Variants in NR0B2 observed in about 807,000 individuals in gnomAD.
NR0B2 encodes the protein nuclear receptor subfamily 0 group B member 2, also known as nuclear receptor SHP.
NR0B2 carries 17 observed loss-of-function variants against 18.9 expected under a neutral mutation model. That is an observed-to-expected ratio of 0.90 (90% CI 0.62 to 1.35). NR0B2 has a LOEUF of 1.35. Ranked by LOEUF, NR0B2 falls within the 40% of genes most tolerant of loss-of-function variation. The probability of loss-of-function intolerance (pLI) is 0.00; values close to 1 mark genes in which losing one functional copy is unlikely to be tolerated. For missense variants in NR0B2, 312 were observed against 333.3 expected (o/e 0.94, Z 0.50); for synonymous variants, 116 against 138.5 (o/e 0.84, Z 1.14).
Position 26,913,411 on chromosome 1 carries a change from G to A in NR0B2, c.530C>T (p.Pro177Leu). The change falls in exon 1 of 2, where the codon CCC becomes CTC. Residue 177 changes from proline (P) to leucine (L), a missense_variant and splice_region_variant. Coordinates refer to ENST00000254227, the MANE Select transcript of NR0B2 (RefSeq NM_021969.3). ...CCCAGGAGTGTCTGGGAGCTCACCG[G>A]GGTTGAAGAGGATGGTCCCTTTCAG... ...ACLKGTILFNPDVPGLQAASH... is the reference protein window; with the variant it reads ...ACLKGTILFNLDVPGLQAASH... 6.2e-7 allele frequency: 1 copy of A among 1,614,046 alleles called. No homozygotes were observed. Among genetic ancestry groups the A allele is most frequent in the East Asian group, 2.2e-5 (1 of 44,866 alleles).
chr1:26,911,980 G>A lies in NR0B2; in HGVS notation c.639C>T (p.Arg213=). 6.2e-7 allele frequency: 1 copy of A among 1,614,256 alleles called. No homozygotes were observed. The highest frequency in any genetic ancestry group is 1.3e-5 in the African/African-American group (1 of 75,066). Residue 213 remains arginine, a synonymous_variant, in exon 2 of 2, where the codon CGC becomes CGT. Transcript: ENST00000254227. The part of the protein sequence containing the change: ...LEPWCPAAQG[R]LTRVLLTAST... The stretch of plus-strand genomic sequence containing the variant: ...AGGCCGTGAGGAGGACACGGGTCAG[G>A]CGGCCTTGGGCTGCTGGGCACCAGG...
Position 26,911,617 on chromosome 1 carries a change from C to G in NR0B2, c.*228G>C. On this transcript the variant is annotated 3_prime_UTR_variant, in exon 2 of 2. Transcript: ENST00000254227. ...CCAAGAAGGGACAGGAGTCTTGGCC[C>G]AGAGGCTGTGGGGACCACCAAAAGC... 1.7e-6 allele frequency: 1 copy of G among 573,158 alleles called. No individual in the cohort carries two copies. The highest frequency in any genetic ancestry group is 3.2e-6 in the Non-Finnish European group (1 of 316,746). 35.5% of individuals were successfully genotyped at this position (573,158 alleles called of 1,614,324 possible). A position where few individuals can be genotyped will look rare whatever the true frequency, so the allele number is the denominator to read the frequency against.
chr1:26,913,011 G>A (rs550284187), intron 1 of NR0B2, among the ~76,000 whole-genome samples: 11 of 152,286 alleles, frequency 7.2e-5, no homozygotes, highest in African/African-American at 2.6e-4. Flanking sequence ...GGCCAAGCAC[G>A]GTGGCTCACG....
intron 1 of NR0B2, among the ~76,000 whole-genome samples, chr1:26,913,013 TG>T (rs1215176452): frequency 1.3e-5 from 2 of 152,334 alleles, no homozygotes; most frequent in African/African-American, 2.4e-5. Flanking sequence ...CCAAGCACGG[TG>T]GCTCACGCCT....
rs748595153 is a variant in NR0B2, at chr1:26,913,420, A to G, written c.521T>C (p.Leu174Pro). ...GTCTGGGAGCTCACCGGGGTTGAAGAGGATGGTCCCTTTCAGGCAGGCATA... is the reference window on the plus strand; with the variant it reads ...GTCTGGGAGCTCACCGGGGTTGAAGGGGATGGTCCCTTTCAGGCAGGCATA... ...KEYACLKGTI[L>P]FNPDVPGLQA... The change falls in exon 1 of 2, where the codon CTC (leucine) becomes CCC (proline). Residue 174 changes from leucine (L) to proline (P), a missense_variant. Transcript: ENST00000254227. 1.9e-6 allele frequency: 3 copies of G among 1,614,076 alleles called. No individual in the cohort carries two copies. The highest frequency in any genetic ancestry group is 1.7e-6 in the Non-Finnish European group (2 of 1,179,988).
Position 26,913,347 on chromosome 1 carries a change from A to G in NR0B2, c.532+62T>C, listed in dbSNP as rs538578692. Reference sequence around the variant, plus strand: ...AACAGATATCAAACCCTTAGAAGCTACCTTCCCTGGCTGGCCCCTGCTTCA... The same window carrying G: ...AACAGATATCAAACCCTTAGAAGCTGCCTTCCCTGGCTGGCCCCTGCTTCA... On this transcript the variant is annotated intron_variant, in intron 1 of 1. Transcript: ENST00000254227. The G allele has an allele frequency of 9.0e-5, 133 of 1,476,212 alleles. 1 individual carries two copies. The highest frequency in any genetic ancestry group is 1.1e-4 in the Non-Finnish European group (118 of 1,054,498). The allele number at this position is 1,476,212 out of a possible 1,614,324, so 91.4% of individuals were successfully genotyped here.
rs759817886 is a variant in NR0B2 at position 26,913,840 on chromosome 1, C to T, written c.101G>A (p.Arg34Gln). ...LLSSSLKAVP[R>Q]PRSRCLCRQH... ...CCTACATAGGCAGCGGCTACGGGGT[C>T]GGGGGACAGCCTTGAGGCTGGAGCT... Residue 34 changes from arginine to glutamine, a missense_variant, in exon 1 of 2, where the codon CGA (arginine) becomes CAA (glutamine). Transcript: ENST00000254227. 2.3e-5 allele frequency: 34 copies of T among 1,507,922 alleles called. No individual in the cohort carries two copies. In the Admixed American group the frequency reaches 4.7e-4, roughly 21 times the overall value. 93.4% of individuals were successfully genotyped at this position (1,507,922 alleles called of 1,614,324 possible).
intron 1 of NR0B2, 120 bp from the exon 2 acceptor site, chr1:26,912,206 G>T (rs769028700): frequency 2.9e-5 from 33 of 1,148,418 alleles, no homozygotes; most frequent in Non-Finnish European, 3.9e-5. Context: ...CTCGGCCTTT[G>T]AGGTCCCACT....
chr1:26,913,943 T>C lies in NR0B2; in HGVS notation c.-3A>G. On this transcript the variant is annotated 5_prime_UTR_variant, in exon 1 of 2. Transcript: ENST00000254227. The stretch of plus-strand genomic sequence containing the variant: ...GCCCCTGGTTGGCTGGTGCTCATGG[T>C]TAGGGATCTGCTCTCACTTCCAGCT... 2 of 1,470,362 alleles carry C rather than the reference T, an allele frequency of 1.4e-6. No homozygotes were observed. The allele number at this position is 1,470,362 out of a possible 1,614,324, so 91.1% of individuals were successfully genotyped here. A position where few individuals can be genotyped will look rare whatever the true frequency, so the allele number is the denominator to read the frequency against.
chr1:26,912,073 G>C lies in NR0B2; in HGVS notation c.546C>G (p.Leu182=). The change falls in exon 2 of 2, where the codon CTC becomes CTG. Residue 182 remains leucine (L), a synonymous_variant. Coordinates refer to ENST00000254227, the MANE Select transcript of NR0B2 (RefSeq NM_021969.3). ...GGTGCCCAATGTGGGAGGCGGCTTG[G>C]AGGCCTGGCACATCTGTGGGCAGAG... is the stretch of plus-strand genomic sequence containing the variant. ...TILFNPDVPG[L]QAASHIGHLQ... is the part of the protein sequence containing the mutation. 1 of 1,613,746 alleles carries C rather than the reference G, an allele frequency of 6.2e-7. No individual in the cohort carries two copies. Among genetic ancestry groups the C allele is most frequent in the Non-Finnish European group, 8.5e-7 (1 of 1,180,022 alleles).
chr1:26,911,753 C>G lies in NR0B2; in HGVS notation c.*92G>C. On this transcript the variant is annotated 3_prime_UTR_variant, in exon 2 of 2. Transcript: ENST00000254227. ...AGTGCTGTCTATACAGGCTTGCCCCCTCCAGGAGCATTGGGTCACCTCTGG... is the reference window on the plus strand; with the variant it reads ...AGTGCTGTCTATACAGGCTTGCCCCGTCCAGGAGCATTGGGTCACCTCTGG... 6.6e-7 allele frequency: 1 copy of G among 1,514,490 alleles called. No individual in the cohort carries two copies. The highest frequency in any genetic ancestry group is 9.1e-7 in the Non-Finnish European group (1 of 1,093,812). 93.8% of individuals were successfully genotyped at this position (1,514,490 alleles called of 1,614,324 possible). A position where few individuals can be genotyped will look rare whatever the true frequency, so the allele number is the denominator to read the frequency against.
rs779899657 is a variant in NR0B2 at position 26,911,935 on chromosome 1, C to T, written c.684G>A (p.Pro228=). The T allele has an allele frequency of 9.3e-6, 15 of 1,614,052 alleles. No individual in the cohort carries two copies. Among genetic ancestry groups the T allele is most frequent in the Middle Eastern group, 1.6e-4 (1 of 6,082 alleles). ...LLTASTLKSI[P]TSLLGDLFFR... Reference sequence around the variant, plus strand: ...AGAAGAGGTCCCCAAGCAGGCTGGTCGGAATGGACTTGAGGGTGGAGGCCG... The same window carrying T: ...AGAAGAGGTCCCCAAGCAGGCTGGTTGGAATGGACTTGAGGGTGGAGGCCG... Residue 228 remains proline (P), a synonymous_variant, in exon 2 of 2, where the codon CCG becomes CCA. Transcript: ENST00000254227.
At position 26,911,731 on chromosome 1, in the gene NR0B2, G is replaced by A; in HGVS notation, c.*114C>T. 2 of 1,244,608 alleles carry A rather than the reference G, an allele frequency of 1.6e-6. No individual in the cohort carries two copies. The highest frequency in any genetic ancestry group is 2.3e-6 in the Non-Finnish European group (2 of 855,690). 77.1% of individuals were successfully genotyped at this position (1,244,608 alleles called of 1,614,324 possible). A position where few individuals can be genotyped will look rare whatever the true frequency, so the allele number is the denominator to read the frequency against. Reference sequence around the variant, plus strand: ...AAGAGCTGTTCCTAAGGAGCCAAGTGCTGTCTATACAGGCTTGCCCCCTCC... The same window carrying A: ...AAGAGCTGTTCCTAAGGAGCCAAGTACTGTCTATACAGGCTTGCCCCCTCC... On this transcript the variant is annotated 3_prime_UTR_variant, in exon 2 of 2. Transcript: ENST00000254227.
At chr1:26,913,243 C>T (rs2082038811) in intron 1 of NR0B2, among the ~76,000 whole-genome samples, 166 bp downstream of exon 1, 1 of 152,064 alleles carries the variant, frequency 6.6e-6, no homozygotes, top group African/African-American at 2.4e-5. Context: ...GCCAAGATCG[C>T]ACCACTGCAC....
Position 26,913,448 on chromosome 1 carries a change from C to A in NR0B2, c.493G>T (p.Glu165Ter). 1.2e-6 allele frequency: 2 copies of A among 1,614,092 alleles called. No homozygotes were observed. The highest frequency in any genetic ancestry group is 3.3e-4 in the Middle Eastern group (2 of 6,062). ...SFWSLELSPK[E>*]YACLKGTILF... ...ATGGTCCCTTTCAGGCAGGCATATT[C>A]CTTGGGGCTAAGCTCCAGGCTCCAG... Residue 165 changes from glutamate (E) to a stop codon, truncating the protein, a stop_gained, in exon 1 of 2, where the codon GAA becomes TAA. Transcript: ENST00000254227. LOFTEE classifies it high-confidence loss of function.
chr1:26,911,861 A>G lies in NR0B2; in HGVS notation c.758T>C (p.Met253Thr), dbSNP rs2082028649. Residue 253 changes from methionine (M) to threonine (T), a missense_variant, in exon 2 of 2, where the codon ATG becomes ACG. Physicochemically the swap from Met to Thr is moderately conservative, Grantham distance 81. Coordinates refer to ENST00000254227, the MANE Select transcript of NR0B2 (RefSeq NM_021969.3). ...TGGAACAGGTCACCTGAGCAAAAGC[A>G]TGTCCCCAAGAAGGCCAGCGATGTC... ...DVDIAGLLGDMLLLR is the reference protein window; with the variant it reads ...DVDIAGLLGDTLLLR 1 of 1,614,204 alleles carries G rather than the reference A, an allele frequency of 6.2e-7. No individual in the cohort carries two copies.
chr1:26,913,329 A>C, intron 1 of NR0B2, 80 bp downstream of exon 1: 4 of 1,287,630 alleles, frequency 3.1e-6, no homozygotes, highest in Middle Eastern at 3.7e-4. Context: ...GATAACAGAT[A>C]TCAAACCCTT....
At position 26,912,004 on chromosome 1, in the gene NR0B2, G is replaced by A; in HGVS notation, c.615C>T (p.Pro205=). Residue 205 remains proline (P), a synonymous_variant, in exon 2 of 2, where the codon CCC becomes CCT. Transcript: ENST00000254227. ...GGCGGCCTTGGGCTGCTGGGCACCA[G>A]GGTTCCAGGACTTCACACAGCACCC... ...AHWVLCEVLE[P]WCPAAQGRLT... 1 of 1,614,244 alleles carries A rather than the reference G, an allele frequency of 6.2e-7. No homozygotes were observed.
At chr1:26,912,307 T>G (rs914524838) in intron 1 of NR0B2, among the ~76,000 whole-genome samples, 5 of 152,154 alleles carry the variant, frequency 3.3e-5, no homozygotes, top group African/African-American at 1.2e-4. Flanking sequence ...GAGTAATGGT[T>G]AAGAATTAGG....
Sources: allele counts gnomAD v4.1 joint callset (sites outside exome capture counted in the v4.1 genomes callset), GRCh38; gene constraint gnomAD v4.1.1; transcripts MANE v1.5; gene names NCBI Gene and HGNC (gene_info 2026-07-23, HGNC 2026-07-21).